TRAPPC6B: variants seen among roughly 807,000 people sequenced by gnomAD.
TRAPPC6B encodes the protein TRAPP complex subunit 6B.
In TRAPPC6B, 27 loss-of-function variants were observed where a neutral mutation model predicts 24.7. The observed-to-expected ratio is 1.09, with a 90% CI of 0.81 to 1.51. The LOEUF (loss-of-function observed/expected upper bound fraction) is 1.51. Ranked by LOEUF, TRAPPC6B falls within the 40% of genes most tolerant of loss-of-function variation. The probability of loss-of-function intolerance (pLI) is 0.00; values close to 1 mark genes in which losing one functional copy is unlikely to be tolerated. For missense variants in TRAPPC6B, 212 were observed against 190.8 expected, an observed-to-expected ratio of 1.11 and a Z score of -0.66; for synonymous variants, 80 against 66.6, an observed-to-expected ratio of 1.20 and a Z score of -0.98.
At chr14:39,151,643 G>A (rs1368043280) in intron 5 of TRAPPC6B, 103 bp downstream of exon 5, 3 of 816,818 alleles carry the variant, frequency 3.7e-6, no homozygotes, top group Non-Finnish European at 3.9e-6. Flanking sequence ...AAACTAAAAT[G>A]AAAGTTTCAG....
chr14:39,167,873 A>G (rs1207618320), intron 1 of TRAPPC6B, among the ~76,000 whole-genome samples: 3 of 151,300 alleles, frequency 2.0e-5, no homozygotes. Context: ...ACCCACGGGA[A>G]AAAAAAAAGA....
chr14:39,157,574 C>T, intron 3 of TRAPPC6B: 1 of 380,564 alleles, frequency 2.6e-6, no homozygotes, highest in South Asian at 2.0e-5. Context: ...TTCCTGCCTG[C>T]CTTGTGTCAT....
chr14:39,160,335 T>G (rs962437765), intron 1 of TRAPPC6B, among the ~76,000 whole-genome samples: 1 of 152,018 alleles, frequency 6.6e-6, no homozygotes, highest in African/African-American at 2.4e-5. Context: ...CCCAGCACTT[T>G]AGGAGGCCAA....
At chr14:39,155,334 TG>T (rs1240286549) in intron 3 of TRAPPC6B, among the ~76,000 whole-genome samples, 8 of 151,200 alleles carry the variant, frequency 5.3e-5, no homozygotes, top group African/African-American at 1.9e-4. Context: ...CTCCGCCTCC[TG>T]GGTTCAAGTG....
intron 1 of TRAPPC6B, among the ~76,000 whole-genome samples, chr14:39,162,457 C>A (rs1236702792): frequency 6.6e-6 from 1 of 152,064 alleles, no homozygotes; most frequent in Non-Finnish European, 1.5e-5. Flanking sequence ...GCACCTGGCA[C>A]AAGGCAACAG....
chr14:39,151,704 C>G (rs2139376147), intron 5 of TRAPPC6B, 42 bp downstream of exon 5: 1 of 1,408,048 alleles, frequency 7.1e-7, no homozygotes, highest in South Asian at 1.3e-5. Flanking sequence ...GACCTGAAAA[C>G]AAATTACTAA....
Position 39,152,459 on chromosome 14 carries a change from G to A in TRAPPC6B, c.352-620C>T, listed in dbSNP as rs139273890. The stretch of plus-strand genomic sequence containing the variant: ...GCTGAGCTACAAAACCAAAAGTCAT[G>A]ACAAGAACTGGATTGAAAAATTAGC... On this transcript the variant is annotated intron_variant, in intron 4 of 5. Coordinates refer to ENST00000330149, the MANE Select transcript of TRAPPC6B (RefSeq NM_001079537.2). Among the ~76,000 whole-genome samples, 5 of 152,270 alleles carry A rather than the reference G, an allele frequency of 3.3e-5. No homozygotes were observed. In the East Asian group the frequency reaches 9.6e-4, roughly 29 times the overall value.
chr14:39,150,401 T>C lies in TRAPPC6B; in HGVS notation c.446-20A>G. ...ATTTGCCTAAAAAAAAAAATACAAA[T>C]AATTCTTTGATTTTAGATACAAAGA... On this transcript the variant is annotated intron_variant, in intron 5 of 5. Coordinates refer to ENST00000330149, the MANE Select transcript of TRAPPC6B (RefSeq NM_001079537.2). 6.6e-7 allele frequency: 1 copy of C among 1,510,778 alleles called. No homozygotes were observed. 93.6% of individuals were successfully genotyped at this position (1,510,778 alleles called of 1,614,324 possible).
rs1941107389 is a variant in TRAPPC6B, at chr14:39,147,920, A to G, written c.*2430T>C. 1.3e-5 allele frequency: 2 copies of G among 152,194 alleles called. No homozygotes were observed. Among genetic ancestry groups the G allele is most frequent in the Admixed American group, 1.3e-4 (2 of 15,270 alleles). The allele number at this position is 152,194 out of a possible 1,614,324, so 9.4% of individuals were successfully genotyped here. ...TCAATTGTCCCATACTAATTTTTGA[A>G]TAACCTAACTCTCCCTTTGTTTCTA... On this transcript the variant is annotated 3_prime_UTR_variant, in exon 6 of 6. Transcript: ENST00000330149.
chr14:39,148,062 TG>T lies in TRAPPC6B; in HGVS notation c.*2287del, dbSNP rs2052874033. On this transcript the variant is annotated 3_prime_UTR_variant, in exon 6 of 6. Transcript: ENST00000330149. ...TCCAAAGGTAAAGCAGTTCCTGGAT[TG>T]GTTAATTCAGAAGCACAATTCAGGT... 6.6e-6 allele frequency: 1 copy of T among 152,202 alleles called. No homozygotes were observed. The highest frequency in any genetic ancestry group is 1.5e-5 in the Non-Finnish European group (1 of 68,048). 9.4% of individuals were successfully genotyped at this position (152,202 alleles called of 1,614,324 possible).
chr14:39,161,901 G>A (rs1465947855), intron 1 of TRAPPC6B, among the ~76,000 whole-genome samples: 1 of 152,194 alleles, frequency 6.6e-6, no homozygotes, highest in Non-Finnish European at 1.5e-5. Flanking sequence ...AAGTGCCACA[G>A]TCCCAGGCCC....
intron 4 of TRAPPC6B, among the ~76,000 whole-genome samples, chr14:39,152,102 A>C (rs2052922770): frequency 6.6e-6 from 1 of 152,174 alleles, no homozygotes; most frequent in Non-Finnish European, 1.5e-5. Flanking sequence ...AGTGACAAAA[A>C]CAAGCCAGAA....
intron 2 of TRAPPC6B, 83 bp downstream of exon 2, chr14:39,159,400 C>T (rs2139383684): frequency 1.1e-6 from 1 of 951,176 alleles, no homozygotes; most frequent in Non-Finnish European, 1.5e-6. Flanking sequence ...TTAAAATATC[C>T]CAAGTTTTAT....
chr14:39,157,074 T>C (rs2052987685), intron 3 of TRAPPC6B: 2 of 173,362 alleles, frequency 1.2e-5, no homozygotes, highest in African/African-American at 2.8e-5. Context: ...ACCATTGCAC[T>C]CTAGCCTGGG....
chr14:39,164,258 A>C lies in TRAPPC6B; in HGVS notation c.82-4708T>G, dbSNP rs1020276244. Among the ~76,000 whole-genome samples, 4 of 152,192 alleles carry C rather than the reference A, an allele frequency of 2.6e-5. No individual in the cohort carries two copies. In the East Asian group the frequency reaches 7.7e-4, roughly 29 times the overall value. Reference sequence around the variant, plus strand: ...CGCCTCCTAGCATTTTGGGAGGCCGAGGCAGGCGGATTACCTGAGGTCAGG... The same window carrying C: ...CGCCTCCTAGCATTTTGGGAGGCCGCGGCAGGCGGATTACCTGAGGTCAGG... On this transcript the variant is annotated intron_variant, in intron 1 of 5. Coordinates refer to ENST00000330149, the MANE Select transcript of TRAPPC6B (RefSeq NM_001079537.2).
At chr14:39,163,110 C>A (rs1033878355) in intron 1 of TRAPPC6B, among the ~76,000 whole-genome samples, 2 of 150,674 alleles carry the variant, frequency 1.3e-5, no homozygotes, top group Non-Finnish European at 2.9e-5. Context: ...TGGTGGCTCA[C>A]ATCTGTAATC....
chr14:39,154,167 G>T, intron 4 of TRAPPC6B, 44 bp downstream of exon 4: 1 of 1,201,836 alleles, frequency 8.3e-7, no homozygotes, highest in Non-Finnish European at 1.2e-6. Flanking sequence ...TTTCCCTGTA[G>T]TCCTACTATT....
chr14:39,166,135 T>C (rs1443106295), intron 1 of TRAPPC6B, among the ~76,000 whole-genome samples: 1 of 151,810 alleles, frequency 6.6e-6, no homozygotes, highest in Non-Finnish European at 1.5e-5. Flanking sequence ...AGACACTGTT[T>C]CACTATGTTG....
chr14:39,162,364 C>T (rs959653441), intron 1 of TRAPPC6B, among the ~76,000 whole-genome samples: 2 of 151,844 alleles, frequency 1.3e-5, no homozygotes, highest in African/African-American at 4.8e-5. Context: ...ACTCTGTTAC[C>T]CAGGCTGGTC....
Sources: gnomAD v4.1 joint callset for allele counts (sites outside exome capture counted in the v4.1 genomes callset) on GRCh38, gnomAD v4.1.1 for gene constraint, MANE v1.5 for transcripts, NCBI Gene and HGNC (gene_info 2026-07-23, HGNC 2026-07-21) for gene names.